Variants in SERPINE2 observed in about 807,000 individuals in gnomAD.
SERPINE2 encodes glia-derived nexin.
A neutral mutation model predicts 36.3 loss-of-function variants in SERPINE2; 14 were observed. The ratio of observed to expected loss-of-function variants is 0.39; its 90% CI spans 0.25 to 0.60. The LOEUF is 0.60. Ranked by LOEUF, SERPINE2 falls within the 20% of genes least tolerant of loss-of-function variation. SERPINE2 has a pLI of 0.57. For missense variants in SERPINE2, 418 were observed against 499.6 expected, an observed-to-expected ratio of 0.84 and a Z score of 1.56; for synonymous variants, 192 against 191.8, an observed-to-expected ratio of 1.00 and a Z score of -0.01.
intron 1 of SERPINE2, among the ~76,000 whole-genome samples, chr2:224,029,329 A>G (rs1692284923): frequency 6.6e-6 from 1 of 152,208 alleles, no homozygotes; most frequent in Admixed American, 6.5e-5. Flanking sequence ...GTGTGGGCAT[A>G]TACTCAGACT....
intron 4 of SERPINE2, among the ~76,000 whole-genome samples, chr2:223,991,278 C>T (rs550362954): frequency 2.6e-5 from 4 of 152,244 alleles, no homozygotes; most frequent in South Asian, 2.1e-4. Context: ...TTCCCTGGAG[C>T]GGGACTGCTG....
chr2:224,006,597 C>T (rs1691433716), intron 1 of SERPINE2, among the ~76,000 whole-genome samples: 1 of 152,104 alleles, frequency 6.6e-6, no homozygotes, highest in Non-Finnish European at 1.5e-5. Context: ...ACTGGAAGCT[C>T]ACGGAAAGCA....
intron 1 of SERPINE2, chr2:224,038,397 A>ATT (rs1692596221): frequency 9.6e-7 from 1 of 1,042,388 alleles, no homozygotes; most frequent in Non-Finnish European, 1.5e-6. Flanking sequence ...GTGCTGTCTT[A>ATT]TGTAATAGAA....
chr2:223,976,706 C>T (rs1380496239), intron 8 of SERPINE2, among the ~76,000 whole-genome samples: 1 of 152,222 alleles, frequency 6.6e-6, no homozygotes, highest in East Asian at 1.9e-4. Flanking sequence ...AAGCAGTCAG[C>T]ACTACTGTTG....
chr2:224,018,195 C>T (rs1038504991), intron 1 of SERPINE2, among the ~76,000 whole-genome samples: 2 of 152,174 alleles, frequency 1.3e-5, no homozygotes, highest in African/African-American at 4.8e-5. Context: ...AGGAAATGGG[C>T]GTCAGGCTCT....
At chr2:224,008,438 T>G (rs1388185080) in intron 1 of SERPINE2, among the ~76,000 whole-genome samples, 1 of 152,214 alleles carries the variant, frequency 6.6e-6, no homozygotes, top group African/African-American at 2.4e-5. Flanking sequence ...TCAAAATAAT[T>G]CAAAATAGGT....
chr2:223,983,760 G>GTT (rs57515248), intron 5 of SERPINE2, among the ~76,000 whole-genome samples: 2,525 of 87,296 alleles, frequency 0.029, 64 homozygotes, highest in Middle Eastern at 0.14. Context: ...GTGTGTGTGT[G>GTT]TGTGTAAATG....
At chr2:223,992,929 T>C (rs555432429) in intron 3 of SERPINE2, among the ~76,000 whole-genome samples, 18 of 152,150 alleles carry the variant, frequency 1.2e-4, no homozygotes, top group Non-Finnish European at 2.1e-4. Context: ...CTGGGAAACA[T>C]AGCTAGACCC....
intron 4 of SERPINE2, among the ~76,000 whole-genome samples, chr2:223,989,632 C>T (rs981807864): frequency 1.3e-5 from 2 of 152,200 alleles, no homozygotes; most frequent in Non-Finnish European, 2.9e-5. Context: ...ACTTATGACA[C>T]TCTCATGCCC....
intron 1 of SERPINE2, chr2:224,031,112 T>C: frequency 1.0e-6 from 1 of 985,358 alleles, no homozygotes; most frequent in Non-Finnish European, 1.2e-6. Flanking sequence ...GTATAAACAT[T>C]GATGGGATGT....
At chr2:224,015,141 G>A (rs966050564) in intron 1 of SERPINE2, among the ~76,000 whole-genome samples, 6 of 152,202 alleles carry the variant, frequency 3.9e-5, no homozygotes, top group African/African-American at 1.4e-4. Flanking sequence ...ACAGCCGCCT[G>A]CAACAAAGAA....
chr2:224,036,567 G>A (rs1278795623), intron 1 of SERPINE2, among the ~76,000 whole-genome samples: 1 of 151,202 alleles, frequency 6.6e-6, no homozygotes, highest in Admixed American at 6.6e-5. Context: ...AACCACCATG[G>A]CACGTGTATA....
intron 1 of SERPINE2, among the ~76,000 whole-genome samples, chr2:224,015,643 A>C (rs1340197207): frequency 6.6e-6 from 1 of 152,232 alleles, no homozygotes; most frequent in African/African-American, 2.4e-5. Context: ...AACTGGAAGA[A>C]TCATTCACAC....
chr2:224,030,129 G>C, intron 1 of SERPINE2: 1 of 985,418 alleles, frequency 1.0e-6, no homozygotes. Context: ...TCTCACAAAT[G>C]CAAGGGTGGA....
Position 224,019,816 on chromosome 2 carries a change from G to A in SERPINE2, c.-22-17894C>T, listed in dbSNP as rs572448139. Among the ~76,000 whole-genome samples the A allele has an allele frequency of 4.7e-5, 6 of 128,848 alleles. No individual in the cohort carries two copies. In the South Asian group the frequency reaches 1.5e-3, roughly 32 times the overall value. The allele number at this position is 128,848 out of a possible 152,430, so 84.5% of individuals were successfully genotyped here. A position where few individuals can be genotyped will look rare whatever the true frequency, so the allele number is the denominator to read the frequency against. On this transcript the variant is annotated intron_variant, in intron 1 of 8. Transcript: ENST00000409304. ...TTCTAGAGCAAAGTTTCACAACCTT[G>A]TCACTCTTGCCATGTGGGTCTGGAT...
intron 1 of SERPINE2, 46 bp from the exon 2 acceptor site, chr2:224,001,968 A>T: frequency 4.1e-6 from 6 of 1,460,160 alleles, no homozygotes; most frequent in South Asian, 2.7e-5. Flanking sequence ...TTAAATGGGT[A>T]CTTTACTACT....
chr2:224,015,408 TGGACAAAGGGGC>T (rs1310526738), intron 1 of SERPINE2, among the ~76,000 whole-genome samples: 5 of 152,292 alleles, frequency 3.3e-5, no homozygotes, highest in African/African-American at 1.2e-4. Flanking sequence ...TGGAAGTGAC[TGGACAAAGGGGC>T]GGAGAGATGG....
In SERPINE2 at chr2:224,001,806, G is replaced by A; in HGVS notation, c.95C>T (p.Ser32Phe). The A allele has an allele frequency of 2.5e-6, 4 of 1,614,130 alleles. No homozygotes were observed. Among genetic ancestry groups the A allele is most frequent in the Non-Finnish European group, 3.4e-6 (4 of 1,180,050 alleles). The change falls in exon 2 of 9, where the codon TCC (serine) becomes TTC (phenylalanine). Residue 32 changes from serine (S) to phenylalanine (F), a missense_variant. Transcript: ENST00000409304. ...ATTGAAAACCTGGATCCCCGTGTTG[G>A]AGCCTAGTTCCTCGAGAGACAGAGG... ...FNPLSLEELG[S>F]NTGIQVFNQI... is the part of the protein sequence containing the mutation.
Position 223,982,703 on chromosome 2 carries a change from C to T in SERPINE2, c.963G>A (p.Lys321=), listed in dbSNP as rs1398795416. The T allele has an allele frequency of 1.9e-6, 3 of 1,612,734 alleles. No homozygotes were observed. The highest frequency in any genetic ancestry group is 2.2e-5 in the East Asian group (1 of 44,826). The change falls in exon 6 of 9, where the codon AAG becomes AAA. Residue 321 remains lysine, a synonymous_variant. Transcript: ENST00000409304. ...TACTTGTTATTTTTGCAAAATTTGC[C>T]TTTGATGAATCAAACATGTCAGTAA... ...LGITDMFDSS[K]ANFAKITRSE... is the part of the protein sequence containing the mutation.
Sources: allele counts gnomAD v4.1 joint callset (sites outside exome capture counted in the v4.1 genomes callset), GRCh38; gene constraint gnomAD v4.1.1; transcripts MANE v1.5; gene names NCBI Gene and HGNC (gene_info 2026-07-23, HGNC 2026-07-21).